PTPRT: variants seen among roughly 807,000 people sequenced by gnomAD.
PTPRT encodes the protein receptor-type tyrosine-protein phosphatase T.
In PTPRT, 56 loss-of-function variants were observed where a neutral mutation model predicts 176.8. The ratio of observed to expected loss-of-function variants is 0.32; its 90% CI spans 0.26 to 0.40. The LOEUF (loss-of-function observed/expected upper bound fraction) is 0.40. Ranked by LOEUF, PTPRT falls within the 10% of genes least tolerant of loss-of-function variation. The pLI is 1.00. For synonymous variants in PTPRT, 783 were observed against 739.0 expected (o/e 1.06, Z -0.96); for missense variants, 1,540 against 1,908.2 (o/e 0.81, Z 3.60).
intron 1 of PTPRT, among the ~76,000 whole-genome samples, chr20:42,896,773 T>A (rs2079307662): frequency 6.6e-6 from 1 of 152,080 alleles, no homozygotes; most frequent in African/African-American, 2.4e-5. Flanking sequence ...GGACACATAT[T>A]CCAAAGATAA....
chr20:42,878,863 C>A (rs1000965937), intron 2 of PTPRT, among the ~76,000 whole-genome samples: 4 of 152,030 alleles, frequency 2.6e-5, no homozygotes, highest in African/African-American at 4.8e-5. Context: ...CCCGTCTCTA[C>A]TAAAAATACA....
At chr20:42,658,502 C>T (rs2075165793) in intron 7 of PTPRT, among the ~76,000 whole-genome samples, 1 of 152,174 alleles carries the variant, frequency 6.6e-6, no homozygotes, top group Non-Finnish European at 1.5e-5. Flanking sequence ...GAAAAGCACA[C>T]TCGTTTACAG....
chr20:42,786,241 T>A (rs1437982370), intron 3 of PTPRT, among the ~76,000 whole-genome samples: 1 of 152,214 alleles, frequency 6.6e-6, no homozygotes, highest in African/African-American at 2.4e-5. Flanking sequence ...TATAGCAGTA[T>A]GAGAACAGAC....
In PTPRT at chr20:43,189,632, G is replaced by A. The variant is rs1476722357; in HGVS notation, c.88+14C>T. On this transcript the variant is annotated intron_variant, in intron 1 of 30. Coordinates refer to ENST00000373187, the MANE Select transcript of PTPRT (RefSeq NM_007050.6). The surrounding 1 kb of genome is among the most constrained non-coding windows in gnomAD (Gnocchi z 5.0). ...GGAGCGGGGAGCCCAGGGGAGCCGG[G>A]CGGGCGCACTCACCTGCGGCGCTCT... is the stretch of plus-strand genomic sequence containing the variant. The A allele has an allele frequency of 3.2e-6, 4 of 1,249,758 alleles. No individual in the cohort carries two copies. Among genetic ancestry groups the A allele is most frequent in the East Asian group, 3.3e-5 (1 of 30,728 alleles). The allele number at this position is 1,249,758 out of a possible 1,614,324, so 77.4% of individuals were successfully genotyped here. A position where few individuals can be genotyped will look rare whatever the true frequency, so the allele number is the denominator to read the frequency against.
intron 9 of PTPRT, among the ~76,000 whole-genome samples, chr20:42,364,947 C>T (rs2058493348): frequency 6.6e-6 from 1 of 152,192 alleles, no homozygotes; most frequent in African/African-American, 2.4e-5. Context: ...CCTGATGCTT[C>T]CTCTTAGCAG....
chr20:42,284,392 T>C (rs1055352455), intron 12 of PTPRT, among the ~76,000 whole-genome samples: 1 of 152,040 alleles, frequency 6.6e-6, no homozygotes, highest in African/African-American at 2.4e-5. Context: ...ACCACTACAA[T>C]TTCCATCTTC....
At chr20:42,040,504 A>G in the PTPRT span, among the ~76,000 whole-genome samples, 1 of 152,016 alleles carries the variant, frequency 6.6e-6, no homozygotes, top group Non-Finnish European at 1.5e-5. Flanking sequence ...CCTTCTCTAA[A>G]GGTGCTCCTA....
At chr20:42,724,635 T>G (rs543869157) in intron 6 of PTPRT, among the ~76,000 whole-genome samples, 4 of 152,166 alleles carry the variant, frequency 2.6e-5, no homozygotes, top group Non-Finnish European at 4.4e-5. Context: ...CATATCCCTG[T>G]AAATAATCTC....
intron 1 of PTPRT, among the ~76,000 whole-genome samples, chr20:43,010,607 T>A (rs982235859): frequency 1.3e-5 from 2 of 152,190 alleles, no homozygotes; most frequent in Non-Finnish European, 1.5e-5. Context: ...AAACGTATAC[T>A]GGTTGACAGC....
chr20:42,515,604 A>G (rs2072048034), intron 7 of PTPRT, among the ~76,000 whole-genome samples: 1 of 152,224 alleles, frequency 6.6e-6, no homozygotes. Context: ...AAATGCAATG[A>G]CTTTCTTGAA....
At chr20:42,533,126 G>T (rs2072415148) in intron 7 of PTPRT, among the ~76,000 whole-genome samples, 1 of 152,208 alleles carries the variant, frequency 6.6e-6, no homozygotes, top group Non-Finnish European at 1.5e-5. Context: ...TACTAAAGCG[G>T]GACTGGTTCT....
intron 7 of PTPRT, among the ~76,000 whole-genome samples, chr20:42,510,937 C>CG (rs2071943533): frequency 6.6e-6 from 1 of 152,070 alleles, no homozygotes; most frequent in Non-Finnish European, 1.5e-5. Flanking sequence ...CACTGAGAGG[C>CG]GGGCCTTTAA....
intron 7 of PTPRT, among the ~76,000 whole-genome samples, chr20:42,614,897 A>G (rs912432552): frequency 1.3e-5 from 2 of 150,986 alleles, no homozygotes; most frequent in Admixed American, 1.3e-4. Flanking sequence ...TGTATAGAGG[A>G]ACTCTCGGTT....
chr20:42,700,255 C>T (rs1218021479), intron 6 of PTPRT, among the ~76,000 whole-genome samples: 1 of 152,100 alleles, frequency 6.6e-6, no homozygotes, highest in Non-Finnish European at 1.5e-5. Context: ...GCCCTTCTCG[C>T]CTGAGCTCTG....
intron 7 of PTPRT, among the ~76,000 whole-genome samples, chr20:42,494,907 C>T (rs1348443439): frequency 6.6e-6 from 1 of 152,082 alleles, no homozygotes; most frequent in Non-Finnish European, 1.5e-5. Flanking sequence ...AAAAAGAAAA[C>T]ATTAATTTAG....
chr20:42,884,460 C>T (rs1438264591), intron 2 of PTPRT, among the ~76,000 whole-genome samples: 3 of 152,144 alleles, frequency 2.0e-5, no homozygotes, highest in Admixed American at 6.5e-5. Context: ...ACTTTAGTAG[C>T]ATCCTGGAAA....
chr20:42,659,670 T>G (rs2145996254), intron 7 of PTPRT, among the ~76,000 whole-genome samples: 1 of 152,306 alleles, frequency 6.6e-6, no homozygotes, highest in Middle Eastern at 3.4e-3. Flanking sequence ...AAAAGGTAAT[T>G]AAGGGTTATG....
At chr20:43,057,230 T>C (rs894186450) in intron 1 of PTPRT, among the ~76,000 whole-genome samples, 1 of 125,760 alleles carries the variant, frequency 8.0e-6, no homozygotes, top group African/African-American at 3.1e-5. Context: ...ACACACATGA[T>C]GAAAGTTCAT....
At chr20:42,321,148 C>T (rs1428956431) in intron 11 of PTPRT, among the ~76,000 whole-genome samples, 1 of 152,294 alleles carries the variant, frequency 6.6e-6, no homozygotes, top group Non-Finnish European at 1.5e-5. Context: ...TAATCTCTCA[C>T]CAATCATAGT....
Sources: allele counts gnomAD v4.1 joint callset (sites outside exome capture counted in the v4.1 genomes callset), GRCh38; gene constraint gnomAD v4.1.1; non-coding constraint Gnocchi (gnomAD v3.1); transcripts MANE v1.5; gene names NCBI Gene and HGNC (gene_info 2026-07-23, HGNC 2026-07-21).